SGCZ: variants seen among roughly 807,000 people sequenced by gnomAD.
SGCZ encodes zeta-sarcoglycan.
A neutral mutation model predicts 41.3 loss-of-function variants in SGCZ; 40 were observed. That is an observed-to-expected ratio of 0.97 (90% confidence interval 0.75 to 1.26). The LOEUF (loss-of-function observed/expected upper bound fraction) is 1.26, where lower values mean the gene tolerates loss of function less well. SGCZ is among the 50% of genes most tolerant of loss of function. SGCZ has a pLI of 0.00. For missense variants in SGCZ, 552 were observed against 369.8 expected (o/e 1.49, Z -4.04); for synonymous variants, 206 against 137.5 (o/e 1.50, Z -3.49).
At chr8:14,223,219 T>C (rs1365789160) in intron 4 of SGCZ, among the ~76,000 whole-genome samples, 1 of 152,184 alleles carries the variant, frequency 6.6e-6, no homozygotes, top group Non-Finnish European at 1.5e-5. Flanking sequence ...TCAATACCTA[T>C]ACTAATTCCA....
At chr8:15,003,604 A>C (rs1484489445) in intron 1 of SGCZ, among the ~76,000 whole-genome samples, 1 of 152,232 alleles carries the variant, frequency 6.6e-6, no homozygotes, top group Non-Finnish European at 1.5e-5. Flanking sequence ...ATTAATACAC[A>C]AATAGCACGT....
At position 14,689,174 on chromosome 8, in the gene SGCZ, A is replaced by C. The variant is rs77905155; in HGVS notation, c.40-134248T>G. ...AGAGTAATTTTGAGATGAATATCAA[A>C]AGAAAAAAGGGCTTATGCTTTTATA... On this transcript the variant is annotated intron_variant, in intron 1 of 7. Transcript: ENST00000382080. Among the ~76,000 whole-genome samples the C allele has an allele frequency of 4.9e-4, 74 of 152,254 alleles. No individual in the cohort carries two copies. In the East Asian group the frequency reaches 0.013, roughly 26 times the overall value.
chr8:14,491,400 G>T (rs1362654086), intron 2 of SGCZ, among the ~76,000 whole-genome samples: 1 of 152,094 alleles, frequency 6.6e-6, no homozygotes, highest in East Asian at 1.9e-4. Flanking sequence ...CTGTTCAAAT[G>T]AGGTGAGTCT....
chr8:14,102,614 A>G (rs1450558210), intron 6 of SGCZ, 115 bp from the exon 7 acceptor site: 6 of 973,004 alleles, frequency 6.2e-6, no homozygotes, highest in Non-Finnish European at 8.0e-6. Flanking sequence ...CAACAACCAG[A>G]CAGACAGGCA....
chr8:15,071,636 C>T (rs1454490830), intron 1 of SGCZ, among the ~76,000 whole-genome samples: 1 of 152,166 alleles, frequency 6.6e-6, no homozygotes, highest in Non-Finnish European at 1.5e-5. Flanking sequence ...AATCAACATT[C>T]TAAAATTCAC....
chr8:15,117,600 G>C (rs1807321768), intron 1 of SGCZ, among the ~76,000 whole-genome samples: 1 of 152,128 alleles, frequency 6.6e-6, no homozygotes, highest in African/African-American at 2.4e-5. Flanking sequence ...ATATAGGAAA[G>C]AATTTGCTCT....
intron 1 of SGCZ, among the ~76,000 whole-genome samples, chr8:14,749,400 T>C (rs1276178916): frequency 6.6e-6 from 1 of 152,178 alleles, no homozygotes; most frequent in Admixed American, 6.5e-5. Flanking sequence ...AGAACGAACA[T>C]TCCACTGATG....
chr8:14,247,191 C>T (rs767925462), intron 3 of SGCZ, among the ~76,000 whole-genome samples: 2 of 152,024 alleles, frequency 1.3e-5, no homozygotes, highest in Non-Finnish European at 2.9e-5. Context: ...GGTTTAGTCA[C>T]GGTTATGAAT....
chr8:14,767,352 A>G (rs1272972455), intron 1 of SGCZ, among the ~76,000 whole-genome samples: 1 of 152,228 alleles, frequency 6.6e-6, no homozygotes, highest in Non-Finnish European at 1.5e-5. Flanking sequence ...AAGTTTAGAT[A>G]ATAAGGAGGC....
At chr8:14,198,351 T>A (rs1805342111) in intron 4 of SGCZ, among the ~76,000 whole-genome samples, 2 of 152,192 alleles carry the variant, frequency 1.3e-5, no homozygotes, top group African/African-American at 4.8e-5. Context: ...AGCACAAGAT[T>A]AGCAAAGCTG....
At chr8:14,156,140 A>G (rs1803868932) in intron 5 of SGCZ, among the ~76,000 whole-genome samples, 1 of 152,122 alleles carries the variant, frequency 6.6e-6, no homozygotes, top group Non-Finnish European at 1.5e-5. Flanking sequence ...CACTTTATAA[A>G]CACTGTGCAT....
At chr8:14,135,975 G>T (rs1170008148) in intron 5 of SGCZ, among the ~76,000 whole-genome samples, 2 of 152,122 alleles carry the variant, frequency 1.3e-5, no homozygotes, top group African/African-American at 4.8e-5. Flanking sequence ...CTAGTTTTAT[G>T]AGATTGGTAG....
intron 2 of SGCZ, among the ~76,000 whole-genome samples, chr8:14,389,653 C>T (rs528622588): frequency 6.6e-6 from 1 of 151,728 alleles, no homozygotes; most frequent in African/African-American, 2.4e-5. Flanking sequence ...AAAATTAGTA[C>T]TTAAGAATAT....
chr8:14,702,824 G>GATAGATAGATAGATAGATAC (rs1809193961), intron 1 of SGCZ, among the ~76,000 whole-genome samples: 1 of 25,202 alleles, frequency 4.0e-5, no homozygotes, highest in African/African-American at 1.1e-4. Flanking sequence ...TAGATAGATA[G>GATAGATAGATAGATAGATAC]ATAGATAGAT....
intron 2 of SGCZ, among the ~76,000 whole-genome samples, chr8:14,448,260 C>T (rs1379244235): frequency 6.6e-6 from 1 of 152,128 alleles, no homozygotes. Context: ...CTGGTACCGT[C>T]TAAAATGAGG....
chr8:15,204,230 G>A (rs1008921797), intron 1 of SGCZ, among the ~76,000 whole-genome samples: 1 of 152,054 alleles, frequency 6.6e-6, no homozygotes, highest in African/African-American at 2.4e-5. Context: ...TATAGAGTTG[G>A]AGCCACCAAG....
intron 1 of SGCZ, among the ~76,000 whole-genome samples, chr8:14,878,044 G>C (rs1415182576): frequency 6.6e-6 from 1 of 151,988 alleles, no homozygotes; most frequent in Non-Finnish European, 1.5e-5. Flanking sequence ...GTAAATGACA[G>C]GGATGTTCCC....
At chr8:14,298,445 A>G (rs765583259) in intron 3 of SGCZ, among the ~76,000 whole-genome samples, 2 of 152,028 alleles carry the variant, frequency 1.3e-5, no homozygotes, top group Non-Finnish European at 2.9e-5. Flanking sequence ...AAAATTTTAC[A>G]TAATTCCCAA....
At chr8:14,524,103 C>T (rs1802869042) in intron 2 of SGCZ, among the ~76,000 whole-genome samples, 1 of 152,074 alleles carries the variant, frequency 6.6e-6, no homozygotes, top group Non-Finnish European at 1.5e-5. Flanking sequence ...GATTATTTTA[C>T]ATTCAGTTTG....
Sources: gnomAD v4.1 joint callset for allele counts (sites outside exome capture counted in the v4.1 genomes callset) on GRCh38, gnomAD v4.1.1 for gene constraint, MANE v1.5 for transcripts, NCBI Gene and HGNC (gene_info 2026-07-23, HGNC 2026-07-21) for gene names.